The following OXR1 variants were observed in gnomAD, a reference collection of about 807,000 sequenced individuals.
OXR1 encodes the protein oxidation resistance protein 1.
OXR1 carries 41 observed loss-of-function variants against 104.6 expected under a neutral mutation model. That is an observed-to-expected ratio of 0.39 (90% confidence interval 0.31 to 0.51). OXR1 has a LOEUF of 0.51. Ranked by LOEUF, OXR1 falls within the 20% of genes least tolerant of loss-of-function variation. The probability of loss-of-function intolerance (pLI) is 0.77; values close to 1 mark genes in which losing one functional copy is unlikely to be tolerated. For missense variants in OXR1, 955 were observed against 1,031.9 expected (o/e 0.93, Z 1.02); for synonymous variants, 348 against 348.4 (o/e 1.00, Z 0.01).
rs200893770 is a variant in OXR1 at position 106,281,715 on chromosome 8, G to A, written c.-139+11348G>A. On this transcript the variant is annotated intron_variant, in intron 1 of 16. Transcript: ENST00000517566. Reference sequence around the variant, plus strand: ...CATGGGAGGCTGAGAGAGGAGAATCGCTTGAACTTGGGAGGTGGAGGTTGC... The same window carrying A: ...CATGGGAGGCTGAGAGAGGAGAATCACTTGAACTTGGGAGGTGGAGGTTGC... Among the ~76,000 whole-genome samples the A allele has an allele frequency of 5.4e-5, 8 of 149,074 alleles. No individual in the cohort carries two copies. The East Asian group carries it at 9.9e-4, about 19-fold the overall frequency.
chr8:106,386,306 A>G (rs1027749401), intron 2 of OXR1, among the ~76,000 whole-genome samples: 34 of 152,162 alleles, frequency 2.2e-4, no homozygotes, highest in African/African-American at 8.2e-4. Context: ...TTGAACTAGA[A>G]GGCTCATTTT....
rs1358135425 is a variant in OXR1 at position 106,694,488 on chromosome 8, A to T, written c.675+1611A>T. Among the ~76,000 whole-genome samples the T allele has an allele frequency of 1.1e-4, 8 of 72,262 alleles. No individual in the cohort carries two copies. The East Asian group carries it at 3.0e-3, about 27-fold the overall frequency. 47.4% of individuals were successfully genotyped at this position (72,262 alleles called of 152,430 possible). A position where few individuals can be genotyped will look rare whatever the true frequency, so the allele number is the denominator to read the frequency against. The stretch of plus-strand genomic sequence containing the variant: ...ATAAATATATTTATATATATATTTG[A>T]TATATAAATATGTTTTTATATATAT... On this transcript the variant is annotated intron_variant, in intron 7 of 16. Transcript: ENST00000517566.
At chr8:106,709,941 G>A (rs1831528330) in intron 9 of OXR1, among the ~76,000 whole-genome samples, 1 of 152,070 alleles carries the variant, frequency 6.6e-6, no homozygotes, top group African/African-American at 2.4e-5. Flanking sequence ...AAGCCATGAT[G>A]AGTACCCAGG....
chr8:106,667,004 G>A (rs1275098036), intron 3 of OXR1, among the ~76,000 whole-genome samples: 1 of 152,142 alleles, frequency 6.6e-6, no homozygotes, highest in Admixed American at 6.5e-5. Flanking sequence ...TCTCACTAGA[G>A]ACATTTCAAG....
chr8:106,485,543 G>A (rs980661716), intron 2 of OXR1, among the ~76,000 whole-genome samples: 4 of 151,992 alleles, frequency 2.6e-5, no homozygotes, highest in Non-Finnish European at 5.9e-5. Flanking sequence ...CTATTTCAGA[G>A]TGTTAGTCTC....
At position 106,340,126 on chromosome 8, in the gene OXR1, C is replaced by A. The variant is rs548042160; in HGVS notation, c.-138-19350C>A. ...TCATTCAGAAGTTTTAACTGTTTAC[C>A]CTGAATCCTTTTAACCATAACTCCG... On this transcript the variant is annotated intron_variant, in intron 1 of 16. Coordinates refer to ENST00000517566, the MANE Select transcript of OXR1 (RefSeq NM_001198533.2). Among the ~76,000 whole-genome samples the A allele has an allele frequency of 2.6e-5, 4 of 151,770 alleles. No homozygotes were observed. The East Asian group carries it at 5.8e-4, about 22-fold the overall frequency.
At chr8:106,578,008 G>A (rs942994813) in intron 3 of OXR1, among the ~76,000 whole-genome samples, 21 of 152,130 alleles carry the variant, frequency 1.4e-4, no homozygotes, top group South Asian at 4.1e-4. Context: ...TTAGTTGGCC[G>A]GTGCCCCTTT....
At chr8:106,440,788 A>T (rs1015499881) in intron 2 of OXR1, among the ~76,000 whole-genome samples, 1 of 152,166 alleles carries the variant, frequency 6.6e-6, no homozygotes, top group Non-Finnish European at 1.5e-5. Flanking sequence ...AAACATACTG[A>T]AATATAAAAC....
chr8:106,529,866 A>G (rs971024309), intron 3 of OXR1, among the ~76,000 whole-genome samples: 4 of 152,218 alleles, frequency 2.6e-5, no homozygotes, highest in Non-Finnish European at 4.4e-5. Context: ...AATTAAACCT[A>G]TACTGGTTTA....
At chr8:106,625,880 TTATA>T (rs1252315923) in intron 3 of OXR1, among the ~76,000 whole-genome samples, 1 of 152,156 alleles carries the variant, frequency 6.6e-6, no homozygotes, top group Non-Finnish European at 1.5e-5. Flanking sequence ...GTATATTAGA[TTATA>T]TATGTCTTTT....
At chr8:106,609,208 A>T (rs1360432492) in intron 3 of OXR1, among the ~76,000 whole-genome samples, 1 of 152,152 alleles carries the variant, frequency 6.6e-6, no homozygotes, top group East Asian at 1.9e-4. Context: ...CAGGAGTTTA[A>T]GACCAGCTTG....
intron 8 of OXR1, among the ~76,000 whole-genome samples, chr8:106,703,590 G>T (rs531918868): frequency 8.5e-5 from 13 of 152,090 alleles, no homozygotes; most frequent in Admixed American, 8.5e-4. Context: ...GTAAAGTACA[G>T]GGAAGAAAAC....
At chr8:106,622,407 C>T (rs13277585) in intron 3 of OXR1, among the ~76,000 whole-genome samples, 6,804 of 151,382 alleles carry the variant, frequency 0.045, 190 homozygotes, top group South Asian at 0.078. Context: ...TTGTCCAAAC[C>T]CAAAGTCCTA....
intron 2 of OXR1, among the ~76,000 whole-genome samples, chr8:106,377,351 TA>T (rs905214382): frequency 4.5e-4 from 67 of 147,274 alleles, no homozygotes; most frequent in Admixed American, 4.7e-4. Flanking sequence ...TTGCCTAATT[TA>T]AAAAAAAAAA....
intron 3 of OXR1, among the ~76,000 whole-genome samples, chr8:106,629,877 C>A (rs1371469838): frequency 6.6e-6 from 1 of 152,090 alleles, no homozygotes; most frequent in African/African-American, 2.4e-5. Flanking sequence ...AGGTCCAAAG[C>A]AGATTTGGTA....
At chr8:106,707,339 G>C in intron 9 of OXR1, 194 bp downstream of exon 9, 2 of 665,504 alleles carry the variant, frequency 3.0e-6, no homozygotes, top group Non-Finnish European at 5.3e-6. Context: ...CAGGTGGATT[G>C]TACACATAAT....
At chr8:106,398,456 C>A (rs776415263) in intron 2 of OXR1, among the ~76,000 whole-genome samples, 1 of 152,078 alleles carries the variant, frequency 6.6e-6, no homozygotes, top group Non-Finnish European at 1.5e-5. Flanking sequence ...GGAGAAAGAA[C>A]GAGTCAGTTG....
chr8:106,661,159 C>G (rs1825724726), intron 3 of OXR1, among the ~76,000 whole-genome samples: 1 of 152,170 alleles, frequency 6.6e-6, no homozygotes, highest in Non-Finnish European at 1.5e-5. Flanking sequence ...GCCTGGGTGA[C>G]AGAGTAAGAT....
At chr8:106,588,156 T>A (rs1818793306) in intron 3 of OXR1, among the ~76,000 whole-genome samples, 1 of 152,108 alleles carries the variant, frequency 6.6e-6, no homozygotes, top group Non-Finnish European at 1.5e-5. Context: ...AGATGGGGTT[T>A]CACCATGTTA....
Sources: allele counts gnomAD v4.1 joint callset (sites outside exome capture counted in the v4.1 genomes callset), GRCh38; gene constraint gnomAD v4.1.1; transcripts MANE v1.5; gene names NCBI Gene and HGNC (gene_info 2026-07-23, HGNC 2026-07-21).